FILIP1L: variants seen among roughly 807,000 people sequenced by gnomAD.
The protein encoded by FILIP1L is filamin A interacting protein 1 like.
FILIP1L carries 55 observed loss-of-function variants against 96.6 expected under a neutral mutation model. The ratio of observed to expected loss-of-function variants is 0.57; its 90% CI spans 0.46 to 0.71. The LOEUF (loss-of-function observed/expected upper bound fraction) is 0.71, where lower values mean the gene tolerates loss of function less well. FILIP1L is among the 30% of genes least tolerant of loss of function. The pLI, the probability that FILIP1L is intolerant of heterozygous loss-of-function variation, is 0.00. For missense variants in FILIP1L, 1,304 were observed against 1,321.2 expected, an observed-to-expected ratio of 0.99 and a Z score of 0.20; for synonymous variants, 467 against 473.9, an observed-to-expected ratio of 0.99 and a Z score of 0.19.
intron 1 of FILIP1L, among the ~76,000 whole-genome samples, chr3:99,956,577 C>T (rs1463708210): frequency 6.6e-6 from 1 of 152,152 alleles, no homozygotes; most frequent in African/African-American, 2.4e-5. Context: ...GAATTCCTGA[C>T]CTCAGATGAT....
At chr3:100,053,066 G>T (rs1260151879) in intron 1 of FILIP1L, among the ~76,000 whole-genome samples, 2 of 152,028 alleles carry the variant, frequency 1.3e-5, no homozygotes, top group Non-Finnish European at 2.9e-5. Context: ...CTGAAACAAG[G>T]GTGCTCCTTG....
At chr3:99,974,408 G>T (rs1708908682) in intron 1 of FILIP1L, among the ~76,000 whole-genome samples, 2 of 152,090 alleles carry the variant, frequency 1.3e-5, no homozygotes, top group African/African-American at 4.8e-5. Flanking sequence ...TAGAAAGCAG[G>T]AATAAAAACT....
rs1943561194 is a variant in FILIP1L at position 99,849,677 on chromosome 3, G to A, written c.1999C>T (p.Arg667Ter). Residue 667 changes from arginine to a stop codon, truncating the protein, a stop_gained, in exon 5 of 6, where the codon CGA (arginine) becomes TGA (stop). Transcript: ENST00000477258. LOFTEE classifies it high-confidence loss of function. ...TTAGATAAAAATTGAGCTTTGTCTC[G>A]TTCATTAGCATACCTTCGTTCTAGA... The part of the protein sequence containing the change: ...ETLERRYANE[R>*]DKAQFLSKEL... 1 of 1,613,220 alleles carries A rather than the reference G, an allele frequency of 6.2e-7. No homozygotes were observed. The highest frequency in any genetic ancestry group is 1.1e-5 in the South Asian group (1 of 90,960).
At chr3:99,996,662 A>C (rs1248428601) in intron 1 of FILIP1L, among the ~76,000 whole-genome samples, 1 of 152,152 alleles carries the variant, frequency 6.6e-6, no homozygotes, top group South Asian at 2.1e-4. Flanking sequence ...TCATAGTGGG[A>C]GGCAAAAGGC....
intron 1 of FILIP1L, among the ~76,000 whole-genome samples, chr3:100,109,112 CT>C (rs1559760298): frequency 6.7e-6 from 1 of 150,054 alleles, no homozygotes; most frequent in Non-Finnish European, 1.5e-5. Flanking sequence ...GCATATTTCT[CT>C]GCCACTAACT....
chr3:99,947,508 A>AC (rs1291519604), intron 1 of FILIP1L, among the ~76,000 whole-genome samples: 1 of 152,112 alleles, frequency 6.6e-6, no homozygotes, highest in Non-Finnish European at 1.5e-5. Context: ...TCCAGAAGGG[A>AC]CCCAGAGCTA....
chr3:99,907,196 C>T (rs989052408), intron 4 of FILIP1L, among the ~76,000 whole-genome samples: 1 of 152,084 alleles, frequency 6.6e-6, no homozygotes, highest in Admixed American at 6.5e-5. Flanking sequence ...TATCATAGTG[C>T]TGATGGAATG....
chr3:99,901,834 A>G (rs1025812310), intron 4 of FILIP1L, among the ~76,000 whole-genome samples: 1 of 152,136 alleles, frequency 6.6e-6, no homozygotes, highest in African/African-American at 2.4e-5. Flanking sequence ...ACATACACAC[A>G]CATTTTTAAG....
At chr3:100,059,024 T>C (rs1225092648) in intron 1 of FILIP1L, among the ~76,000 whole-genome samples, 1 of 152,262 alleles carries the variant, frequency 6.6e-6, no homozygotes, top group Non-Finnish European at 1.5e-5. Context: ...TTTTAGATTT[T>C]GTAGATAGAC....
intron 1 of FILIP1L, among the ~76,000 whole-genome samples, chr3:100,058,531 A>G (rs1415986788): frequency 1.3e-5 from 2 of 152,174 alleles, no homozygotes; most frequent in Admixed American, 6.5e-5. Flanking sequence ...CACATCCCCA[A>G]TCTAAAGCTT....
chr3:100,021,960 T>TGTGTGTGTGTGAGA (rs1321185364), intron 1 of FILIP1L, among the ~76,000 whole-genome samples: 1 of 93,332 alleles, frequency 1.1e-5, no homozygotes, highest in Admixed American at 1.1e-4. Flanking sequence ...TGTGTGTGTG[T>TGTGTGTGTGTGAGA]GAGAGAGAGA....
intron 1 of FILIP1L, among the ~76,000 whole-genome samples, chr3:100,016,648 A>ACAC (rs1181856049): frequency 6.6e-6 from 1 of 152,232 alleles, no homozygotes; most frequent in African/African-American, 2.4e-5. Flanking sequence ...AAATAGGAGT[A>ACAC]CACTAGGAAG....
At chr3:99,880,290 A>G (rs1335045102) in intron 4 of FILIP1L, among the ~76,000 whole-genome samples, 1 of 152,162 alleles carries the variant, frequency 6.6e-6, no homozygotes, top group Non-Finnish European at 1.5e-5. Context: ...ACATGTAGAT[A>G]CCCACATGAA....
chr3:99,978,928 C>T (rs1391303511), intron 1 of FILIP1L, among the ~76,000 whole-genome samples: 3 of 151,874 alleles, frequency 2.0e-5, no homozygotes, highest in Non-Finnish European at 4.4e-5. Flanking sequence ...ACAGTGATTA[C>T]TGGAGGCTGG....
chr3:100,024,507 T>A (rs2064882577), intron 1 of FILIP1L, among the ~76,000 whole-genome samples: 1 of 152,196 alleles, frequency 6.6e-6, no homozygotes, highest in South Asian at 2.1e-4. Flanking sequence ...CTCCTTAGAC[T>A]ATTCAATGTA....
intron 1 of FILIP1L, among the ~76,000 whole-genome samples, chr3:99,975,106 G>A (rs967048890): frequency 2.0e-5 from 3 of 152,214 alleles, no homozygotes; most frequent in African/African-American, 4.8e-5. Context: ...ATTAAGCCCA[G>A]TGAAGTACCT....
In FILIP1L at chr3:99,848,411, C is replaced by A; in HGVS notation, c.3265G>T (p.Asp1089Tyr). The change falls in exon 5 of 6, where the codon GAT (aspartate) becomes TAT (tyrosine). Residue 1089 changes from aspartate (D) to tyrosine (Y), a missense_variant. Coordinates refer to ENST00000477258, the MANE Select transcript of FILIP1L (RefSeq NM_001387850.1). ...TTAATTAAGCCTTGAGTTCGGTTAT[C>A]CTGCAGTGGTGCTGAAGGGCTGGCA... The part of the protein sequence containing the change: ...RPASPSAPLQ[D>Y]NRTQGLINGA... 3.7e-6 allele frequency: 6 copies of A among 1,614,134 alleles called. No homozygotes were observed. Among genetic ancestry groups the A allele is most frequent in the Non-Finnish European group, 5.1e-6 (6 of 1,180,020 alleles).
intron 1 of FILIP1L, among the ~76,000 whole-genome samples, chr3:100,072,821 T>G (rs187277708): frequency 1.6e-4 from 24 of 152,182 alleles, no homozygotes; most frequent in Admixed American, 1.3e-4. Context: ...GACTCATGAG[T>G]CACTTCAATA....
chr3:100,011,361 C>T lies in FILIP1L; in HGVS notation c.-10-80331G>A, dbSNP rs71313583. Among the ~76,000 whole-genome samples the T allele has an allele frequency of 2.6e-5, 4 of 152,114 alleles. No individual in the cohort carries two copies. In the East Asian group the frequency reaches 5.8e-4, roughly 22 times the overall value. ...CCTCCCAGCATCATGCCATGCCCAG[C>T]GTGTTTCTTGAGTAGTACTTGCATT... is the stretch of plus-strand genomic sequence containing the variant. On this transcript the variant is annotated intron_variant, in intron 1 of 5. Transcript: ENST00000477258.
Sources: allele counts gnomAD v4.1 joint callset (sites outside exome capture counted in the v4.1 genomes callset), GRCh38; gene constraint gnomAD v4.1.1; transcripts MANE v1.5; gene names NCBI Gene and HGNC (gene_info 2026-07-23, HGNC 2026-07-21).